The following SLC25A21 variants were observed in gnomAD, a reference collection of about 807,000 sequenced individuals.
The protein encoded by SLC25A21 is mitochondrial 2-oxodicarboxylate carrier.
SLC25A21 carries 47 observed loss-of-function variants against 43.8 expected under a neutral mutation model. The observed-to-expected ratio is 1.07, with a 90% CI of 0.85 to 1.37. SLC25A21 has a LOEUF of 1.37. Among genes scored for constraint, SLC25A21 ranks in the 40% most tolerant of loss-of-function variants. The probability of loss-of-function intolerance (pLI) is 0.00; values close to 1 mark genes in which losing one functional copy is unlikely to be tolerated. For synonymous variants in SLC25A21, 131 were observed against 121.3 expected (o/e 1.08, Z -0.52); for missense variants, 352 against 350.2 (o/e 1.00, Z -0.04).
At chr14:36,834,086 G>A (rs1379419890) in intron 2 of SLC25A21, among the ~76,000 whole-genome samples, 5 of 152,184 alleles carry the variant, frequency 3.3e-5, no homozygotes. Flanking sequence ...AAGTGAAGGT[G>A]TGGATTAATT....
At chr14:36,904,772 C>G (rs760999047) in intron 1 of SLC25A21, among the ~76,000 whole-genome samples, 10 of 152,104 alleles carry the variant, frequency 6.6e-5, no homozygotes, top group Non-Finnish European at 1.3e-4. Context: ...CTTACTATCA[C>G]GAGAACAGCA....
At chr14:36,998,131 A>G (rs953074988) in intron 1 of SLC25A21, among the ~76,000 whole-genome samples, 2 of 152,164 alleles carry the variant, frequency 1.3e-5, no homozygotes, top group Non-Finnish European at 2.9e-5. Context: ...TTAAGTTTCT[A>G]TTTTATGGTA....
At chr14:37,130,661 T>C (rs1963377261) in intron 1 of SLC25A21, among the ~76,000 whole-genome samples, 4 of 152,228 alleles carry the variant, frequency 2.6e-5, no homozygotes, top group African/African-American at 9.6e-5. Context: ...TGCATGGCTC[T>C]TTGAGACACA....
chr14:36,802,439 G>A (rs568420645), intron 3 of SLC25A21, among the ~76,000 whole-genome samples: 66 of 152,210 alleles, frequency 4.3e-4, no homozygotes, highest in African/African-American at 1.5e-3. Flanking sequence ...CAATCATTAT[G>A]TGTATATTTA....
intron 1 of SLC25A21, among the ~76,000 whole-genome samples, chr14:37,060,769 T>G (rs940813403): frequency 1.2e-4 from 18 of 152,170 alleles, no homozygotes; most frequent in African/African-American, 4.3e-4. Flanking sequence ...GCAAACATGG[T>G]TACTTGTAGT....
chr14:36,927,185 T>C (rs1404869437), intron 1 of SLC25A21, among the ~76,000 whole-genome samples: 1 of 152,054 alleles, frequency 6.6e-6, no homozygotes, highest in Non-Finnish European at 1.5e-5. Context: ...AAAAGAAAAA[T>C]TATAGTAACC....
intron 2 of SLC25A21, among the ~76,000 whole-genome samples, chr14:36,837,408 C>A (rs1889245938): frequency 6.6e-6 from 1 of 151,954 alleles, no homozygotes; most frequent in South Asian, 2.1e-4. Flanking sequence ...AGGGCAAGAC[C>A]AAGCAGAGGG....
chr14:36,797,241 T>G lies in SLC25A21; in HGVS notation c.203+16677A>C, dbSNP rs117029946. Reference sequence around the variant, plus strand: ...TTAATCTCATAGTTGGATTAACTCTTTTCAAACAAGTAATTTTCCATTCAT... The same window carrying G: ...TTAATCTCATAGTTGGATTAACTCTGTTCAAACAAGTAATTTTCCATTCAT... On this transcript the variant is annotated intron_variant, in intron 3 of 9. Coordinates refer to ENST00000331299, the MANE Select transcript of SLC25A21 (RefSeq NM_030631.4). Among the ~76,000 whole-genome samples, 551 of 152,334 alleles carry G rather than the reference T, an allele frequency of 3.6e-3. 2 individuals carry two copies. Among genetic ancestry groups the G allele is most frequent in the Non-Finnish European group, 6.4e-3 (433 of 68,040 alleles).
chr14:37,117,577 C>G (rs1963128011), intron 1 of SLC25A21, among the ~76,000 whole-genome samples: 1 of 152,014 alleles, frequency 6.6e-6, no homozygotes. Flanking sequence ...TATGACAGAT[C>G]TAATATAACA....
At chr14:37,127,195 A>G (rs2138899932) in intron 1 of SLC25A21, among the ~76,000 whole-genome samples, 1 of 152,278 alleles carries the variant, frequency 6.6e-6, no homozygotes, top group South Asian at 2.1e-4. Flanking sequence ...TATCTTATTA[A>G]CACTTCAAAG....
intron 1 of SLC25A21, among the ~76,000 whole-genome samples, chr14:37,002,143 A>G (rs903814365): frequency 6.6e-6 from 1 of 152,158 alleles, no homozygotes; most frequent in Admixed American, 6.6e-5. Flanking sequence ...GAACACAGAA[A>G]TAATTATAAT....
intron 2 of SLC25A21, among the ~76,000 whole-genome samples, chr14:36,848,000 G>A (rs977627205): frequency 3.3e-5 from 5 of 152,288 alleles, no homozygotes; most frequent in African/African-American, 7.2e-5. Context: ...AAGGGCAGTG[G>A]GGATGAGAAG....
chr14:37,127,226 T>G (rs1400375727), intron 1 of SLC25A21, among the ~76,000 whole-genome samples: 1 of 152,148 alleles, frequency 6.6e-6, no homozygotes, highest in Non-Finnish European at 1.5e-5. Flanking sequence ...TATCCTCATT[T>G]AACAAATGAG....
intron 1 of SLC25A21, among the ~76,000 whole-genome samples, chr14:36,938,085 A>C (rs1892469119): frequency 6.6e-6 from 1 of 152,152 alleles, no homozygotes; most frequent in African/African-American, 2.4e-5. Context: ...AAAATGCTGC[A>C]AAAATGGTCT....
chr14:36,793,920 G>GAAA (rs57263212), intron 3 of SLC25A21, among the ~76,000 whole-genome samples: 6 of 111,550 alleles, frequency 5.4e-5, no homozygotes, highest in Non-Finnish European at 9.3e-5. Context: ...TGCAGATCAG[G>GAAA]AAAAAAAAAA....
chr14:37,147,032 A>G (rs935692215), intron 1 of SLC25A21, among the ~76,000 whole-genome samples: 3 of 152,080 alleles, frequency 2.0e-5, no homozygotes, highest in African/African-American at 7.2e-5. Flanking sequence ...CGGACTGTTC[A>G]CCAACCATCC....
At chr14:36,743,537 A>G (rs1885363482) in intron 3 of SLC25A21, among the ~76,000 whole-genome samples, 1 of 152,136 alleles carries the variant, frequency 6.6e-6, no homozygotes, top group African/African-American at 2.4e-5. Context: ...CCTCAAAATA[A>G]TAAAAGCCAT....
intron 2 of SLC25A21, among the ~76,000 whole-genome samples, chr14:36,830,262 G>T (rs1888988663): frequency 6.6e-6 from 1 of 152,118 alleles, no homozygotes; most frequent in Non-Finnish European, 1.5e-5. Flanking sequence ...TGTTTTACTG[G>T]CATTAGTTCA....
At chr14:37,139,419 G>C (rs930652654) in intron 1 of SLC25A21, among the ~76,000 whole-genome samples, 1 of 151,874 alleles carries the variant, frequency 6.6e-6, no homozygotes, top group African/African-American at 2.4e-5. Context: ...GATATATTTC[G>C]TTTATTTGCT....
Sources: gnomAD v4.1 joint callset for allele counts (sites outside exome capture counted in the v4.1 genomes callset) on GRCh38, gnomAD v4.1.1 for gene constraint, MANE v1.5 for transcripts, NCBI Gene and HGNC (gene_info 2026-07-23, HGNC 2026-07-21) for gene names.